Variants in JAK2 observed in about 807,000 individuals in gnomAD.
JAK2 encodes the protein Janus kinase 2, also known as tyrosine-protein kinase JAK2.
In JAK2, 86 loss-of-function variants were observed where a neutral mutation model predicts 139.3. That is an observed-to-expected ratio of 0.62 (90% CI 0.52 to 0.74). The LOEUF (loss-of-function observed/expected upper bound fraction) is 0.74, where lower values mean the gene tolerates loss of function less well. Ranked by LOEUF, JAK2 falls within the 30% of genes least tolerant of loss-of-function variation. JAK2 has a pLI of 0.00. For synonymous variants in JAK2, 490 were observed against 437.7 expected, an observed-to-expected ratio of 1.12 and a Z score of -1.49; for missense variants, 1,421 against 1,360.3, an observed-to-expected ratio of 1.04 and a Z score of -0.70.
intron 2 of JAK2, among the ~76,000 whole-genome samples, chr9:5,021,369 G>T (rs1822418498): frequency 6.6e-6 from 1 of 152,128 alleles, no homozygotes. Flanking sequence ...TTCTTCTGTT[G>T]TCTGTAACTG....
chr9:5,111,443 G>A lies in JAK2; in HGVS notation c.3060-11561G>A, dbSNP rs568664985. On this transcript the variant is annotated intron_variant, in intron 22 of 24. Transcript: ENST00000381652. Reference sequence around the variant, plus strand: ...CACGAAGGTCGGGAAGGTCCCGCCTGGTCTTCCATCCTCGGCGTACCTGCC... The same window carrying A: ...CACGAAGGTCGGGAAGGTCCCGCCTAGTCTTCCATCCTCGGCGTACCTGCC... 1.5e-5 allele frequency: 6 copies of A among 393,794 alleles called. No individual in the cohort carries two copies. The East Asian group carries it at 3.9e-4, about 26-fold the overall frequency. 24.4% of individuals were successfully genotyped at this position (393,794 alleles called of 1,614,324 possible). A position where few individuals can be genotyped will look rare whatever the true frequency, so the allele number is the denominator to read the frequency against.
chr9:5,119,612 A>C (rs1823463266), intron 22 of JAK2, among the ~76,000 whole-genome samples: 1 of 152,198 alleles, frequency 6.6e-6, no homozygotes, highest in Non-Finnish European at 1.5e-5. Flanking sequence ...ATACAGAGTA[A>C]AATATGGCTA....
At chr9:5,078,269 AC>A in intron 15 of JAK2, 36 bp from the exon 16 acceptor site, 3 of 1,576,052 alleles carry the variant, frequency 1.9e-6, no homozygotes, top group Non-Finnish European at 2.6e-6. Flanking sequence ...GTACTTGTGG[AC>A]TGATATTTGA....
intron 6 of JAK2, among the ~76,000 whole-genome samples, chr9:5,052,706 G>C (rs371571767): frequency 6.6e-6 from 1 of 152,106 alleles, no homozygotes; most frequent in African/African-American, 2.4e-5. Flanking sequence ...GGATTTTCCT[G>C]TCTCAAACAT....
chr9:5,117,707 T>G (rs1157586796), intron 22 of JAK2, among the ~76,000 whole-genome samples: 2 of 151,900 alleles, frequency 1.3e-5, no homozygotes, highest in Non-Finnish European at 2.9e-5. Context: ...AGCTTTAATA[T>G]TTAATATGGT....
rs185300356 is a variant in JAK2, at chr9:5,058,059, T to C, written c.1056+2271T>C. Among the ~76,000 whole-genome samples the C allele has an allele frequency of 3.7e-3, 563 of 152,344 alleles. 3 individuals are homozygous for C. The highest frequency in any genetic ancestry group is 0.013 in the African/African-American group (535 of 41,580). On this transcript the variant is annotated intron_variant, in intron 8 of 24. Coordinates refer to ENST00000381652, the MANE Select transcript of JAK2 (RefSeq NM_004972.4). ...TAATATATGTATGTATTCTGTGTCA[T>C]GTATATACCACATTTGTTCATTCAT...
intron 3 of JAK2, 82 bp from the exon 4 acceptor site, chr9:5,029,701 A>G: frequency 7.9e-7 from 1 of 1,265,984 alleles, no homozygotes; most frequent in Admixed American, 2.5e-5. Context: ...TTGTTACTTT[A>G]GCTTCATTTC....
At chr9:5,078,900 G>C (rs1819488574) in intron 16 of JAK2, among the ~76,000 whole-genome samples, 1 of 152,040 alleles carries the variant, frequency 6.6e-6, no homozygotes, top group Non-Finnish European at 1.5e-5. Context: ...ATTTGTGTTT[G>C]TTCATCTTTA....
At chr9:4,986,490 A>G (rs1351202352) in intron 2 of JAK2, among the ~76,000 whole-genome samples, 1 of 152,174 alleles carries the variant, frequency 6.6e-6, no homozygotes, top group Non-Finnish European at 1.5e-5. Flanking sequence ...AGTAATTACT[A>G]ATCTGTTAGG....
chr9:5,111,787 C>T (rs780401872), intron 22 of JAK2: 6 of 423,360 alleles, frequency 1.4e-5, no homozygotes, highest in Non-Finnish European at 2.3e-5. Context: ...CATCCACCTT[C>T]TCCTTGGCCC....
chr9:4,988,354 C>G (rs1243083172), intron 2 of JAK2, among the ~76,000 whole-genome samples: 3 of 152,212 alleles, frequency 2.0e-5, no homozygotes, highest in Non-Finnish European at 4.4e-5. Flanking sequence ...TAAAAAGCAA[C>G]TACTACATGA....
At chr9:5,066,002 C>G (rs1280472950) in intron 9 of JAK2, among the ~76,000 whole-genome samples, 4 of 151,970 alleles carry the variant, frequency 2.6e-5, no homozygotes, top group Non-Finnish European at 4.4e-5. Context: ...AACTCCTTGC[C>G]TTTATTCATG....
At position 5,129,044 on chromosome 9, in the gene JAK2, G is replaced by A. The variant is rs1038940686; in HGVS notation, c.*2253G>A. Among the ~76,000 whole-genome samples, 4 of 151,934 alleles carry A rather than the reference G, an allele frequency of 2.6e-5. No individual in the cohort carries two copies. The highest frequency in any genetic ancestry group is 5.9e-5 in the Non-Finnish European group (4 of 67,892). The stretch of plus-strand genomic sequence containing the variant: ...GCCAGTAACACTATAATTTGCTATG[G>A]AAGAGTGTTCTTTTAACCTAAGGCT... On this transcript the variant is annotated 3_prime_UTR_variant, in exon 25 of 25. Transcript: ENST00000381652.
intron 4 of JAK2, among the ~76,000 whole-genome samples, chr9:5,034,207 T>G (rs1264789075): frequency 6.6e-6 from 1 of 152,140 alleles, no homozygotes; most frequent in Middle Eastern, 3.2e-3. Flanking sequence ...TAAATATATA[T>G]GCACCCAATA....
chr9:5,094,568 C>T (rs1312633956), intron 22 of JAK2: 1 of 152,122 alleles, frequency 6.6e-6, no homozygotes, highest in Non-Finnish European at 1.5e-5. Flanking sequence ...ATGCATGCAT[C>T]ACAATGCCAG....
intron 22 of JAK2, chr9:5,098,193 A>G (rs997958141): frequency 6.6e-6 from 1 of 152,150 alleles, no homozygotes; most frequent in Admixed American, 6.5e-5. Context: ...ACCTACATTA[A>G]ACCCTTAAAT....
intron 5 of JAK2, among the ~76,000 whole-genome samples, chr9:5,046,073 C>G (rs1402696655): frequency 6.6e-6 from 1 of 152,156 alleles, no homozygotes. Flanking sequence ...ATAGCCATCT[C>G]TATGGGTTTG....
chr9:5,083,786 A>AT (rs61194629), intron 19 of JAK2, among the ~76,000 whole-genome samples: 95,705 of 151,972 alleles, frequency 0.63, 32,220 homozygotes, highest in African/African-American at 0.88. Flanking sequence ...TTTTCAAGTA[A>AT]TTTTTCTAGT....
chr9:5,042,163 C>G (rs1449550145), intron 4 of JAK2, among the ~76,000 whole-genome samples: 2 of 138,456 alleles, frequency 1.4e-5, no homozygotes, highest in African/African-American at 2.8e-5. Context: ...CGGAGTCTCG[C>G]TTTGTCGCCC....
Sources: gnomAD v4.1 joint callset for allele counts (sites outside exome capture counted in the v4.1 genomes callset) on GRCh38, gnomAD v4.1.1 for gene constraint, MANE v1.5 for transcripts, NCBI Gene and HGNC (gene_info 2026-07-23, HGNC 2026-07-21) for gene names.